The following ACOT12 variants were observed in gnomAD, a reference collection of about 807,000 sequenced individuals.
ACOT12 encodes acyl-CoA thioesterase 12, also known as acetyl-coenzyme A thioesterase.
A neutral mutation model predicts 67.7 loss-of-function variants in ACOT12; 51 were observed. The observed-to-expected ratio is 0.75, with a 90% CI of 0.60 to 0.95. ACOT12 has a LOEUF of 0.95. Ranked by LOEUF, ACOT12 falls within the 40% of genes least tolerant of loss-of-function variation. ACOT12 has a pLI of 0.00. For missense variants in ACOT12, 734 were observed against 708.1 expected, an observed-to-expected ratio of 1.04 and a Z score of -0.41; for synonymous variants, 251 against 244.6, an observed-to-expected ratio of 1.03 and a Z score of -0.24.
the ACOT12 span, among the ~76,000 whole-genome samples, chr5:81,318,073 G>A: frequency 6.6e-6 from 1 of 151,956 alleles, no homozygotes; most frequent in East Asian, 1.9e-4. Flanking sequence ...AGTAGAGACA[G>A]GGTTTCACCA....
chr5:81,341,068 T>C (rs1353843429), intron 11 of ACOT12, among the ~76,000 whole-genome samples: 3 of 152,260 alleles, frequency 2.0e-5, no homozygotes, highest in Non-Finnish European at 4.4e-5. Flanking sequence ...TTTCAGTTCA[T>C]TCCAGACATG....
chr5:81,380,570 AAAAAAAAAAAG>A (rs1186309029), intron 2 of ACOT12, among the ~76,000 whole-genome samples: 1 of 145,396 alleles, frequency 6.9e-6, no homozygotes, highest in Non-Finnish European at 1.5e-5. Context: ...TTAGAAAAAA[AAAAAAAAAAAG>A]AAAAGAAATC....
chr5:81,342,666 T>C lies in ACOT12; in HGVS notation c.1128+6A>G. 2.5e-6 allele frequency: 4 copies of C among 1,614,096 alleles called. No homozygotes were observed. Among genetic ancestry groups the C allele is most frequent in the Non-Finnish European group, 3.4e-6 (4 of 1,179,924 alleles). On this transcript the variant is annotated splice_donor_region_variant and intron_variant, in intron 11 of 14. Transcript: ENST00000307624. ...TGGATTATGCAAATACCTGGAAGTG[T>C]CCTACCTTTTCCACAGTGCTGGTAA... is the stretch of plus-strand genomic sequence containing the variant.
chr5:81,361,077 C>CAAAAAAAAAAAACA (rs1759890523), intron 4 of ACOT12, among the ~76,000 whole-genome samples: 1 of 52,636 alleles, frequency 1.9e-5, no homozygotes, highest in African/African-American at 8.3e-5. Flanking sequence ...GACTCCATCT[C>CAAAAAAAAAAAACA]AAAAAAAAAA....
the ACOT12 span, among the ~76,000 whole-genome samples, chr5:81,314,854 C>T: frequency 7.9e-5 from 12 of 152,152 alleles, no homozygotes; most frequent in African/African-American, 2.9e-4. Flanking sequence ...CCCTGTCACC[C>T]AGGCTGGAGT....
chr5:81,391,781 T>G (rs1402595592), intron 1 of ACOT12, among the ~76,000 whole-genome samples: 1 of 152,158 alleles, frequency 6.6e-6, no homozygotes, highest in Non-Finnish European at 1.5e-5. Context: ...GCAAAGTGCT[T>G]GGATTTCAGA....
intron 1 of ACOT12, 21 bp downstream of exon 1, chr5:81,393,967 G>T (rs1760935801): frequency 7.6e-7 from 1 of 1,317,586 alleles, no homozygotes; most frequent in East Asian, 3.2e-5. Context: ...GCGCCTCCCC[G>T]CAGCCCCGGC....
chr5:81,344,764 T>C, intron 8 of ACOT12, 127 bp downstream of exon 8: 2 of 1,206,578 alleles, frequency 1.7e-6, no homozygotes, highest in East Asian at 4.7e-5. Context: ...CACTTCACTT[T>C]GTGATGCTGA....
intron 11 of ACOT12, among the ~76,000 whole-genome samples, chr5:81,336,370 G>A (rs938960153): frequency 2.6e-5 from 4 of 152,276 alleles, no homozygotes; most frequent in Middle Eastern, 6.8e-3. Flanking sequence ...GGGGATCCAG[G>A]AACTGAATCA....
intron 11 of ACOT12, among the ~76,000 whole-genome samples, chr5:81,340,770 C>T (rs995165239): frequency 1.3e-5 from 2 of 152,158 alleles, no homozygotes; most frequent in East Asian, 3.9e-4. Flanking sequence ...AGCTGTAAAA[C>T]GTGGGAGAGA....
the ACOT12 span, among the ~76,000 whole-genome samples, chr5:81,311,490 TA>T: frequency 2.6e-5 from 4 of 152,156 alleles, no homozygotes; most frequent in African/African-American, 9.7e-5. Context: ...CAGTAAGCCT[TA>T]GGGGACCCTG....
At chr5:81,312,369 T>C in the ACOT12 span, among the ~76,000 whole-genome samples, 1 of 152,252 alleles carries the variant, frequency 6.6e-6, no homozygotes, top group Non-Finnish European at 1.5e-5. Context: ...TGTGGTACTC[T>C]GAAATCAAGG....
intron 11 of ACOT12, among the ~76,000 whole-genome samples, chr5:81,340,807 C>A (rs1479018782): frequency 1.8e-4 from 27 of 152,158 alleles, no homozygotes; most frequent in Admixed American, 1.6e-3. Context: ...TCAAAAACAT[C>A]TTTTATCAGA....
At chr5:81,335,687 A>C (rs1758973070) in intron 12 of ACOT12, 81 bp downstream of exon 12, 6 of 1,465,228 alleles carry the variant, frequency 4.1e-6, no homozygotes, top group Non-Finnish European at 5.6e-6. Context: ...ACATTGGACG[A>C]TGGAGATGGA....
intron 1 of ACOT12, 66 bp downstream of exon 1, chr5:81,393,922 C>A (rs953466818): frequency 2.4e-6 from 3 of 1,276,044 alleles, no homozygotes; most frequent in Non-Finnish European, 2.0e-6. Flanking sequence ...CCCCCCCCAG[C>A]CCCCAGCCGC....
intron 5 of ACOT12, among the ~76,000 whole-genome samples, chr5:81,349,917 G>C (rs1396363196): frequency 6.6e-6 from 1 of 152,168 alleles, no homozygotes; most frequent in Non-Finnish European, 1.5e-5. Flanking sequence ...TTGCTTAGAA[G>C]TATCAGACAC....
chr5:81,308,988 G>A, the ACOT12 span: 2 of 1,613,194 alleles, frequency 1.2e-6, no homozygotes, highest in Non-Finnish European at 1.7e-6. Flanking sequence ...GGAGAAATGG[G>A]GCACCTGTCT....
chr5:81,333,698 A>G (rs1561320548), intron 12 of ACOT12, among the ~76,000 whole-genome samples: 1 of 152,222 alleles, frequency 6.6e-6, no homozygotes, highest in Non-Finnish European at 1.5e-5. Flanking sequence ...ATGCAAGAAA[A>G]TTGAGAAGTG....
chr5:81,392,082 A>C (rs1760881774), intron 1 of ACOT12, among the ~76,000 whole-genome samples: 1 of 152,236 alleles, frequency 6.6e-6, no homozygotes, highest in Non-Finnish European at 1.5e-5. Context: ...GGCCACTGAC[A>C]GAAGTAAGGA....
Sources: gnomAD v4.1 joint callset for allele counts (sites outside exome capture counted in the v4.1 genomes callset) on GRCh38, gnomAD v4.1.1 for gene constraint, MANE v1.5 for transcripts, NCBI Gene and HGNC (gene_info 2026-07-23, HGNC 2026-07-21) for gene names.